The following CYB5R4 variants were observed in gnomAD, a reference collection of about 807,000 sequenced individuals.
CYB5R4 encodes the protein cytochrome b5 reductase 4.
In CYB5R4, 55 loss-of-function variants were observed where a neutral mutation model predicts 70.2. The ratio of observed to expected loss-of-function variants is 0.78; its 90% CI spans 0.63 to 0.98. The LOEUF (loss-of-function observed/expected upper bound fraction) is 0.98, where lower values mean the gene tolerates loss of function less well. Among genes scored for constraint, CYB5R4 ranks in the 50% least tolerant of loss-of-function variants. The probability of loss-of-function intolerance (pLI) is 0.00; values close to 1 mark genes in which losing one functional copy is unlikely to be tolerated. For synonymous variants in CYB5R4, 197 were observed against 199.5 expected, an observed-to-expected ratio of 0.99 and a Z score of 0.11; for missense variants, 562 against 612.6, an observed-to-expected ratio of 0.92 and a Z score of 0.87.
At chr6:83,916,389 T>C (rs762253949) in intron 5 of CYB5R4, among the ~76,000 whole-genome samples, 4 of 152,182 alleles carry the variant, frequency 2.6e-5, no homozygotes, top group Non-Finnish European at 5.9e-5. Context: ...TGATTTTTAT[T>C]TATATACTTA....
At chr6:83,954,696 C>T (rs1046135386) in intron 14 of CYB5R4, among the ~76,000 whole-genome samples, 6 of 151,822 alleles carry the variant, frequency 4.0e-5, no homozygotes. Context: ...GTAGCGTTCT[C>T]TGAGATCCCT....
intron 6 of CYB5R4, among the ~76,000 whole-genome samples, chr6:83,918,389 A>G (rs948199462): frequency 6.6e-6 from 1 of 152,066 alleles, no homozygotes; most frequent in African/African-American, 2.4e-5. Context: ...AAGTGATAAA[A>G]TCAGTTGTAA....
chr6:83,901,601 C>G (rs1260389984), intron 3 of CYB5R4, among the ~76,000 whole-genome samples: 2 of 152,122 alleles, frequency 1.3e-5, no homozygotes, highest in African/African-American at 4.8e-5. Flanking sequence ...GTACACCAAT[C>G]AGACGTAGAT....
intron 2 of CYB5R4, among the ~76,000 whole-genome samples, chr6:83,877,138 A>G (rs1412391864): frequency 6.6e-6 from 1 of 151,836 alleles, no homozygotes; most frequent in East Asian, 1.9e-4. Flanking sequence ...CCCTTTTAAC[A>G]TTTTTTTATA....
At chr6:83,920,920 G>T (rs560363322) in intron 7 of CYB5R4, among the ~76,000 whole-genome samples, 162 bp from the exon 8 acceptor site, 4 of 152,060 alleles carry the variant, frequency 2.6e-5, no homozygotes, top group African/African-American at 9.6e-5. Flanking sequence ...TGAAGGAGAA[G>T]AACTGGGTTG....
chr6:83,917,109 T>G (rs1027411960), intron 5 of CYB5R4, among the ~76,000 whole-genome samples: 4 of 152,094 alleles, frequency 2.6e-5, no homozygotes, highest in Non-Finnish European at 5.9e-5. Flanking sequence ...CTGAAGTCAT[T>G]TAAAAACCAT....
At chr6:83,900,060 G>A (rs1022116259) in intron 3 of CYB5R4, among the ~76,000 whole-genome samples, 2 of 152,048 alleles carry the variant, frequency 1.3e-5, no homozygotes, top group Non-Finnish European at 2.9e-5. Flanking sequence ...TGTGATGTTA[G>A]GGTGTCAATT....
At chr6:83,860,097 C>G (rs1033257840) in intron 1 of CYB5R4, among the ~76,000 whole-genome samples, 1 of 152,124 alleles carries the variant, frequency 6.6e-6, no homozygotes, top group Non-Finnish European at 1.5e-5. Context: ...TCTATCCGTT[C>G]CCTTCCTCCA....
intron 2 of CYB5R4, among the ~76,000 whole-genome samples, chr6:83,877,838 A>G (rs965313433): frequency 6.6e-6 from 1 of 152,144 alleles, no homozygotes; most frequent in Non-Finnish European, 1.5e-5. Context: ...TGACTATGAT[A>G]TGGTTTTCCC....
In CYB5R4 at chr6:83,949,451, C is replaced by T. The variant is rs35761664; in HGVS notation, c.1347-5847C>T. On this transcript the variant is annotated intron_variant, in intron 14 of 15. Coordinates refer to ENST00000369681, the MANE Select transcript of CYB5R4 (RefSeq NM_016230.4). The stretch of plus-strand genomic sequence containing the variant: ...TCATCACTCTTTACCATATCTTGAC[C>T]CTCTCTATATCACTTTCAGTTTTAG... Among the ~76,000 whole-genome samples, 274 of 152,030 alleles carry T rather than the reference C, an allele frequency of 1.8e-3. 1 individual carries two copies. The highest frequency in any genetic ancestry group is 3.4e-3 in the Middle Eastern group (1 of 294).
chr6:83,923,583 G>A (rs928711278), intron 9 of CYB5R4, among the ~76,000 whole-genome samples: 2 of 151,770 alleles, frequency 1.3e-5, no homozygotes, highest in Non-Finnish European at 2.9e-5. Context: ...ATTTAAATCA[G>A]CATATGAAAG....
In CYB5R4 at chr6:83,967,075, CTGA is replaced by C. The variant is rs2129148032; in HGVS notation, c.*7200_*7202del. On this transcript the variant is annotated 3_prime_UTR_variant, in exon 16 of 16. Coordinates refer to ENST00000369681, the MANE Select transcript of CYB5R4 (RefSeq NM_016230.4). ...AAAGTGTTGTACCACATTTGATATC[CTGA>C]TGGAAAAAAATGTGAGCCAAGGATT... 1 of 152,252 alleles carries C rather than the reference CTGA, an allele frequency of 6.6e-6. No homozygotes were observed. Among genetic ancestry groups the C allele is most frequent in the South Asian group, 2.1e-4 (1 of 4,828 alleles). The allele number at this position is 152,252 out of a possible 1,614,324, so 9.4% of individuals were successfully genotyped here.
intron 15 of CYB5R4, among the ~76,000 whole-genome samples, chr6:83,958,405 C>A (rs913022346): frequency 2.6e-5 from 4 of 151,990 alleles, no homozygotes; most frequent in African/African-American, 9.7e-5. Context: ...TTTTACCTAG[C>A]GATGTGTGTG....
chr6:83,940,705 C>A, intron 14 of CYB5R4, 104 bp downstream of exon 14: 1 of 1,291,044 alleles, frequency 7.7e-7, no homozygotes, highest in South Asian at 1.6e-5. Context: ...GAAGCTCCTT[C>A]AAAGAAAAAA....
At chr6:83,863,522 C>G (rs894949583) in intron 1 of CYB5R4, among the ~76,000 whole-genome samples, 3 of 152,146 alleles carry the variant, frequency 2.0e-5, no homozygotes, top group Non-Finnish European at 4.4e-5. Context: ...TGTCAAATCT[C>G]TTTGATTTTT....
intron 15 of CYB5R4, among the ~76,000 whole-genome samples, chr6:83,958,905 A>T (rs6929690): frequency 0.15 from 23,228 of 152,148 alleles, 3,279 homozygotes; most frequent in African/African-American, 0.36. Flanking sequence ...GTAAGTGGTA[A>T]AAAAGTAGTT....
chr6:83,920,743 G>C lies in CYB5R4; in HGVS notation c.565-339G>C, dbSNP rs536655276. Among the ~76,000 whole-genome samples the C allele has an allele frequency of 2.9e-5, 3 of 105,144 alleles. No individual in the cohort carries two copies. The Admixed American group carries it at 4.2e-4, about 15-fold the overall frequency. The allele number at this position is 105,144 out of a possible 152,430, so 69.0% of individuals were successfully genotyped here. ...TGCTGATTGTAATTTTCTGGGGGGT[G>C]GGGGGAGGGTTCCATATGGCTTATT... On this transcript the variant is annotated intron_variant, in intron 7 of 15. Transcript: ENST00000369681.
At chr6:83,953,947 G>T (rs55667301) in intron 14 of CYB5R4, among the ~76,000 whole-genome samples, 6,392 of 152,206 alleles carry the variant, frequency 0.042, 460 homozygotes, top group African/African-American at 0.15. Flanking sequence ...TCAGAAGCAG[G>T]TCTGTTCTCT....
rs2099465788 is a variant in CYB5R4, at chr6:83,918,070, G to A, written c.506+5G>A. 6.2e-7 allele frequency: 1 copy of A among 1,602,764 alleles called. No individual in the cohort carries two copies. The highest frequency in any genetic ancestry group is 8.5e-7 in the Non-Finnish European group (1 of 1,171,760). On this transcript the variant is annotated splice_donor_5th_base_variant and intron_variant, in intron 6 of 15. Coordinates refer to ENST00000369681, the MANE Select transcript of CYB5R4 (RefSeq NM_016230.4). ...AGAAGGTCCTAGTTATCCAAGGTAT[G>A]CATTCTTATTTAAAATTTTTAAAGT...
Sources: gnomAD v4.1 joint callset for allele counts (sites outside exome capture counted in the v4.1 genomes callset) on GRCh38, gnomAD v4.1.1 for gene constraint, MANE v1.5 for transcripts, NCBI Gene and HGNC (gene_info 2026-07-23, HGNC 2026-07-21) for gene names.